The following OR2L13 variants were observed in gnomAD, a reference collection of about 807,000 sequenced individuals.
OR2L13 encodes olfactory receptor 2L13.
Under a neutral mutation model 15.3 loss-of-function variants are expected in OR2L13, and 14 were observed. The observed-to-expected ratio is 0.91, with a 90% confidence interval of 0.60 to 1.43. OR2L13 has a LOEUF of 1.43. Among genes scored for constraint, OR2L13 ranks in the 40% most tolerant of loss-of-function variants. The probability of loss-of-function intolerance (pLI) is 0.00; values close to 1 mark genes in which losing one functional copy is unlikely to be tolerated. For missense variants in OR2L13, 367 were observed against 387.9 expected (o/e 0.95, Z 0.45); for synonymous variants, 152 against 142.9 (o/e 1.06, Z -0.45).
the OR2L13 span, among the ~76,000 whole-genome samples, chr1:248,031,193 C>T: frequency 6.6e-6 from 1 of 152,080 alleles, no homozygotes; most frequent in African/African-American, 2.4e-5. Flanking sequence ...ATTACTGAAA[C>T]AGATATATAA....
At chr1:248,024,510 G>T in the OR2L13 span, among the ~76,000 whole-genome samples, 1 of 152,014 alleles carries the variant, frequency 6.6e-6, no homozygotes, top group Non-Finnish European at 1.5e-5. Flanking sequence ...ATTTGGCCTA[G>T]GTTTTCTTCT....
At chr1:247,984,414 T>C in the OR2L13 span, among the ~76,000 whole-genome samples, 1 of 152,114 alleles carries the variant, frequency 6.6e-6, no homozygotes, top group African/African-American at 2.4e-5. Context: ...ATACAAATGA[T>C]AGAAATGTTT....
chr1:248,068,625 C>T, the OR2L13 span, among the ~76,000 whole-genome samples: 39 of 152,296 alleles, frequency 2.6e-4, 1 homozygote, highest in South Asian at 2.7e-3. Context: ...CAAAGCTGGA[C>T]GGAGACTGAC....
chr1:247,990,151 C>A, the OR2L13 span: 1 of 510,516 alleles, frequency 2.0e-6, no homozygotes. Flanking sequence ...TCAGTGTAAA[C>A]CCCAATTTCA....
the OR2L13 span, among the ~76,000 whole-genome samples, chr1:248,086,601 A>AT: frequency 7.9e-5 from 12 of 151,864 alleles, no homozygotes; most frequent in East Asian, 3.9e-4. Flanking sequence ...TGAATAAAGG[A>AT]TTTTTTGGTG....
the OR2L13 span, among the ~76,000 whole-genome samples, chr1:247,953,656 T>G: frequency 6.6e-6 from 1 of 152,152 alleles, no homozygotes; most frequent in Non-Finnish European, 1.5e-5. Context: ...AAATTTTGGT[T>G]AACATTAGAG....
chr1:247,944,286 T>A, the OR2L13 span, among the ~76,000 whole-genome samples: 1 of 152,228 alleles, frequency 6.6e-6, no homozygotes, highest in Non-Finnish European at 1.5e-5. Context: ...TGCTTTATTA[T>A]TTTTTTAATA....
chr1:247,996,155 G>T, the OR2L13 span, among the ~76,000 whole-genome samples: 1 of 152,088 alleles, frequency 6.6e-6, no homozygotes, highest in African/African-American at 2.4e-5. Flanking sequence ...CTACTGTTTT[G>T]GTGTTTTGGT....
At chr1:247,966,093 C>A in the OR2L13 span, 1 of 1,613,988 alleles carries the variant, frequency 6.2e-7, no homozygotes, top group Non-Finnish European at 8.5e-7. Context: ...AAGCTGTTTC[C>A]ACTTGTTCCT....
At chr1:247,975,083 A>T in the OR2L13 span, 1 of 333,710 alleles carries the variant, frequency 3.0e-6, no homozygotes, top group Non-Finnish European at 6.0e-6. Context: ...GCTGCCACTG[A>T]CATCAATGGC....
rs140753233 is a variant in OR2L13 at position 248,097,687 on chromosome 1, C to G, written c.-144+335C>G. On this transcript the variant is annotated intron_variant, in intron 1 of 2. Coordinates refer to ENST00000641714, the Ensembl canonical transcript of OR2L13. ...CAACTCCAGGATGGAACACATAAAC[C>G]TACACCCAAGTCAGCTTGTTCAGGG... Among the ~76,000 whole-genome samples the G allele has an allele frequency of 1.6e-3, 243 of 152,304 alleles. 2 individuals carry two copies. Among genetic ancestry groups the G allele is most frequent in the African/African-American group, 5.5e-3 (229 of 41,562 alleles).
At chr1:247,995,016 A>T in the OR2L13 span, among the ~76,000 whole-genome samples, 1 of 151,982 alleles carries the variant, frequency 6.6e-6, no homozygotes, top group South Asian at 2.1e-4. Flanking sequence ...CCTTCATCTG[A>T]CTCTACCTGG....
the OR2L13 span, chr1:248,046,850 G>C: frequency 1.3e-5 from 2 of 152,182 alleles, no homozygotes; most frequent in African/African-American, 2.4e-5. Context: ...AGCAAAGGCA[G>C]TGAGTGTTTG....
chr1:247,962,613 C>G, the OR2L13 span, among the ~76,000 whole-genome samples: 2 of 152,310 alleles, frequency 1.3e-5, no homozygotes, highest in Non-Finnish European at 2.9e-5. Flanking sequence ...GAAAATCTAA[C>G]TATCACATTA....
the OR2L13 span, among the ~76,000 whole-genome samples, chr1:247,971,292 G>A: frequency 6.6e-6 from 1 of 152,016 alleles, no homozygotes; most frequent in Admixed American, 6.6e-5. Flanking sequence ...CTATTAGGGA[G>A]CACCAGCCAT....
the OR2L13 span, among the ~76,000 whole-genome samples, chr1:248,079,808 A>G: frequency 2.5e-4 from 38 of 152,336 alleles, no homozygotes; most frequent in African/African-American, 8.2e-4. Context: ...TATGACTTGG[A>G]TTAGGCCAAG....
At chr1:248,059,820 G>T in the OR2L13 span, among the ~76,000 whole-genome samples, 31 of 152,266 alleles carry the variant, frequency 2.0e-4, no homozygotes, top group African/African-American at 7.5e-4. Flanking sequence ...AAGACAGGAG[G>T]ATTGGTGAGG....
chr1:248,002,065 A>G, the OR2L13 span, among the ~76,000 whole-genome samples: 1 of 152,282 alleles, frequency 6.6e-6, no homozygotes, highest in South Asian at 2.1e-4. Flanking sequence ...CTTAATGCCA[A>G]TCTCCTATTG....
chr1:248,067,587 T>C, the OR2L13 span, among the ~76,000 whole-genome samples: 1 of 152,252 alleles, frequency 6.6e-6, no homozygotes, highest in Non-Finnish European at 1.5e-5. Context: ...GGGTGATTTC[T>C]GCATTTCCAT....
Sources: gnomAD v4.1 joint callset for allele counts (sites outside exome capture counted in the v4.1 genomes callset) on GRCh38, gnomAD v4.1.1 for gene constraint, MANE v1.5 for transcripts, NCBI Gene and HGNC (gene_info 2026-07-23, HGNC 2026-07-21) for gene names.